RRM1: variants seen among roughly 807,000 people sequenced by gnomAD.
RRM1 encodes ribonucleoside-diphosphate reductase large subunit.
In RRM1, 19 loss-of-function variants were observed where a neutral mutation model predicts 101.5. The ratio of observed to expected loss-of-function variants is 0.19; its 90% CI spans 0.13 to 0.27. The LOEUF is 0.27. RRM1 is among the 10% of genes least tolerant of loss of function. RRM1 has a pLI of 1.00. For synonymous variants in RRM1, 298 were observed against 323.4 expected, an observed-to-expected ratio of 0.92 and a Z score of 0.84; for missense variants, 500 against 962.9, an observed-to-expected ratio of 0.52 and a Z score of 6.36.
intron 2 of RRM1, among the ~76,000 whole-genome samples, chr11:4,104,077 C>CT (rs2094555380): frequency 6.6e-6 from 1 of 151,948 alleles, no homozygotes; most frequent in South Asian, 2.1e-4. Flanking sequence ...TGCCACTGTA[C>CT]TCCAGCACAG....
intron 17 of RRM1, among the ~76,000 whole-genome samples, chr11:4,134,449 CAAG>C (rs748703655): frequency 5.9e-4 from 90 of 152,234 alleles, no homozygotes; most frequent in Non-Finnish European, 2.6e-4. Context: ...AACTAAGAGT[CAAG>C]AGGCATTTAT....
chr11:4,107,722 TA>T (rs2094560153), intron 4 of RRM1, among the ~76,000 whole-genome samples, 187 bp downstream of exon 4: 2 of 152,352 alleles, frequency 1.3e-5, no homozygotes, highest in African/African-American at 4.8e-5. Flanking sequence ...AGCTATTTTG[TA>T]CATACGTGTG....
intron 7 of RRM1, among the ~76,000 whole-genome samples, chr11:4,117,624 A>C (rs916695661): frequency 2.6e-5 from 4 of 152,236 alleles, no homozygotes; most frequent in African/African-American, 9.6e-5. Flanking sequence ...AGAGGATTGC[A>C]ATGAGGGTAT....
At chr11:4,122,852 G>T (rs1174599803) in intron 11 of RRM1, among the ~76,000 whole-genome samples, 3 of 149,442 alleles carry the variant, frequency 2.0e-5, no homozygotes, top group Non-Finnish European at 4.4e-5. Flanking sequence ...CAGCCTGGGT[G>T]ATAGAACGAA....
In RRM1 at chr11:4,106,027, C is replaced by T; in HGVS notation, c.109-19C>T. On this transcript the variant is annotated intron_variant, in intron 2 of 18. Transcript: ENST00000300738. ...GTTTCTTGGGAAAGCTCAAGTAATT[C>T]TTGGTTTTATTTTTGTAGGCTCAGA... is the stretch of plus-strand genomic sequence containing the variant. The T allele has an allele frequency of 6.2e-7, 1 of 1,600,676 alleles. No individual in the cohort carries two copies. The highest frequency in any genetic ancestry group is 8.5e-7 in the Non-Finnish European group (1 of 1,174,656).
chr11:4,126,837 T>C lies in RRM1; in HGVS notation c.1470+4T>C. On this transcript the variant is annotated splice_donor_region_variant and intron_variant, in intron 13 of 18. Transcript: ENST00000300738. ...AAACTACTATCCTGTACCAGAGGTA[T>C]GAATAGATTTCTCTGCTTATTGGTA... The C allele has an allele frequency of 6.3e-7, 1 of 1,599,714 alleles. No individual in the cohort carries two copies. The highest frequency in any genetic ancestry group is 8.5e-7 in the Non-Finnish European group (1 of 1,171,814).
At chr11:4,122,392 GTCT>G (rs757980817) in intron 11 of RRM1, among the ~76,000 whole-genome samples, 172 bp downstream of exon 11, 8 of 152,098 alleles carry the variant, frequency 5.3e-5, no homozygotes, top group East Asian at 1.9e-4. Flanking sequence ...ATTGAGTTGT[GTCT>G]TCTTCTTTCT....
chr11:4,107,444 A>AAGTTTTAGATGT lies in RRM1; in HGVS notation c.298_299insTTTTAGATGTAG (p.Glu99_Asp100insValLeuAspVal). On this transcript the variant is annotated inframe_insertion, in exon 4 of 19. Coordinates refer to ENST00000300738, the MANE Select transcript of RRM1 (RefSeq NM_001033.5). ...TTGTTGTATTTTTTAGATGTGATGG[A>AAGTTTTAGATGT]AGACCTCTATAACTACATAAATCCA... is the stretch of plus-strand genomic sequence containing the variant. 1 of 1,604,818 alleles carries AAGTTTTAGATGT rather than the reference A, an allele frequency of 6.2e-7. No individual in the cohort carries two copies. The highest frequency in any genetic ancestry group is 1.1e-5 in the South Asian group (1 of 90,490).
In RRM1 at chr11:4,112,031, A is replaced by G. The variant is rs1156948436; in HGVS notation, c.619A>G (p.Asn207Asp). The G allele has an allele frequency of 1.2e-6, 2 of 1,613,964 alleles. No homozygotes were observed. The highest frequency in any genetic ancestry group is 3.3e-5 in the Admixed American group (2 of 59,980). ...WFTHASPTLF[N>D]AGTNRPQLSS... ...TACTCATGCTTCGCCCACTCTCTTCAATGCTGGTACCAACCGCCCACAACT... is the reference window on the plus strand; with the variant it reads ...TACTCATGCTTCGCCCACTCTCTTCGATGCTGGTACCAACCGCCCACAACT... The change falls in exon 7 of 19, where the codon AAT (asparagine) becomes GAT (aspartate). Residue 207 changes from asparagine (N) to aspartate (D), a missense_variant. Transcript: ENST00000300738.
intron 6 of RRM1, 74 bp from the exon 7 acceptor site, chr11:4,111,826 C>A (rs2094566012): frequency 6.3e-6 from 9 of 1,425,006 alleles, no homozygotes; most frequent in Non-Finnish European, 8.6e-6. Context: ...GTGTCCTTTT[C>A]TGAAATTCAA....
intron 8 of RRM1, 37 bp from the exon 9 acceptor site, chr11:4,119,808 G>A (rs1051821311): frequency 7.8e-7 from 1 of 1,277,342 alleles, no homozygotes; most frequent in Non-Finnish European, 1.1e-6. Flanking sequence ...TCTTTGCTGA[G>A]TGCCCTCTGT....
intron 7 of RRM1, 64 bp downstream of exon 7, chr11:4,112,126 T>G (rs2094566432): frequency 7.8e-7 from 1 of 1,285,106 alleles, no homozygotes; most frequent in African/African-American, 1.5e-5. Context: ...GTTCATCACA[T>G]AAAAAATAAT....
chr11:4,096,221 T>G (rs2094543387), intron 1 of RRM1, among the ~76,000 whole-genome samples: 1 of 151,856 alleles, frequency 6.6e-6, no homozygotes, highest in South Asian at 2.1e-4. Context: ...AGTAAAGGAG[T>G]CTTGCTGTGT....
At chr11:4,095,521 G>A (rs1429305578) in intron 1 of RRM1, among the ~76,000 whole-genome samples, 1 of 152,168 alleles carries the variant, frequency 6.6e-6, no homozygotes, top group African/African-American at 2.4e-5. Flanking sequence ...GAAGGAGGGG[G>A]CCTCTCTACC....
intron 7 of RRM1, among the ~76,000 whole-genome samples, chr11:4,118,092 T>G (rs757691397): frequency 6.6e-6 from 1 of 152,184 alleles, no homozygotes; most frequent in Non-Finnish European, 1.5e-5. Context: ...CTAGGCTTAT[T>G]TACTTACTAT....
At chr11:4,114,971 C>G (rs2094570737) in intron 7 of RRM1, among the ~76,000 whole-genome samples, 1 of 152,086 alleles carries the variant, frequency 6.6e-6, no homozygotes, top group Admixed American at 6.6e-5. Context: ...CCTTGGCCTC[C>G]CGAAGTGCTG....
chr11:4,098,368 G>T (rs1312950951), intron 1 of RRM1, among the ~76,000 whole-genome samples: 38 of 92,790 alleles, frequency 4.1e-4, no homozygotes, highest in African/African-American at 1.7e-3. Flanking sequence ...CTTCTTTCCT[G>T]CCCTCCTCCC....
intron 7 of RRM1, among the ~76,000 whole-genome samples, chr11:4,115,177 T>C (rs2094571096): frequency 6.6e-6 from 1 of 152,156 alleles, no homozygotes; most frequent in African/African-American, 2.4e-5. Context: ...AAAATTCATG[T>C]GAAAGAGCAA....
chr11:4,136,754 G>C (rs2044134), intron 18 of RRM1, among the ~76,000 whole-genome samples: 2 of 109,000 alleles, frequency 1.8e-5, no homozygotes, highest in African/African-American at 7.5e-5. Flanking sequence ...TTGTTTGTTT[G>C]TTTTTTCTTT....
Sources: gnomAD v4.1 joint callset for allele counts (sites outside exome capture counted in the v4.1 genomes callset) on GRCh38, gnomAD v4.1.1 for gene constraint, MANE v1.5 for transcripts, NCBI Gene and HGNC (gene_info 2026-07-23, HGNC 2026-07-21) for gene names.